DTNB: variants seen among roughly 807,000 people sequenced by gnomAD.
The protein encoded by DTNB is dystrobrevin beta.
Under a neutral mutation model 90.7 loss-of-function variants are expected in DTNB, and 63 were observed. The ratio of observed to expected loss-of-function variants is 0.69; its 90% CI spans 0.57 to 0.86. DTNB has a LOEUF of 0.86. Among genes scored for constraint, DTNB ranks in the 40% least tolerant of loss-of-function variants. The pLI is 0.00. For synonymous variants in DTNB, 277 were observed against 286.7 expected, an observed-to-expected ratio of 0.97 and a Z score of 0.34; for missense variants, 744 against 807.1, an observed-to-expected ratio of 0.92 and a Z score of 0.95.
Position 25,484,983 on chromosome 2 carries a change from A to C in DTNB, c.1002-2110T>G, listed in dbSNP as rs574593376. ...TTTTTGCCTCTAGTTCTCTTATATC[A>C]ATTGTCCAACTGAAACAAGGAGACA... On this transcript the variant is annotated intron_variant, in intron 9 of 20. Coordinates refer to ENST00000406818, the MANE Select transcript of DTNB (RefSeq NM_021907.5). 2.0e-5 allele frequency among the ~76,000 whole-genome samples: 3 copies of C among 152,266 alleles called. No homozygotes were observed. In the South Asian group the frequency reaches 6.2e-4, roughly 32 times the overall value.
intron 4 of DTNB, among the ~76,000 whole-genome samples, chr2:25,625,693 T>C (rs181745666): frequency 2.0e-5 from 3 of 152,166 alleles, no homozygotes; most frequent in East Asian, 1.9e-4. Context: ...GATATCCTTG[T>C]ACCTTCTGCT....
intron 8 of DTNB, among the ~76,000 whole-genome samples, chr2:25,542,257 T>C (rs771256648): frequency 3.3e-5 from 5 of 152,202 alleles, no homozygotes; most frequent in African/African-American, 7.2e-5. Flanking sequence ...AGCTTAGATG[T>C]TGGGTTTAGT....
intron 8 of DTNB, chr2:25,558,115 G>C: frequency 1.2e-6 from 1 of 818,160 alleles, no homozygotes; most frequent in South Asian, 5.6e-5. Context: ...GCGATCCAAA[G>C]GCTTAATGAG....
intron 8 of DTNB, among the ~76,000 whole-genome samples, chr2:25,569,460 C>T (rs1479605240): frequency 6.6e-6 from 1 of 152,220 alleles, no homozygotes; most frequent in Non-Finnish European, 1.5e-5. Context: ...CCCTCACTCA[C>T]TCCTCTCCTA....
intron 14 of DTNB, among the ~76,000 whole-genome samples, chr2:25,431,591 A>G (rs1227510248): frequency 6.6e-6 from 1 of 152,130 alleles, no homozygotes; most frequent in African/African-American, 2.4e-5. Flanking sequence ...ACATTCCTGG[A>G]CTCAGCCCTG....
At chr2:25,397,851 G>A (rs1257228602) in intron 16 of DTNB, among the ~76,000 whole-genome samples, 4 of 136,814 alleles carry the variant, frequency 2.9e-5, no homozygotes, top group African/African-American at 1.1e-4. Flanking sequence ...CTGCCCTCCA[G>A]CCTGGGTGAC....
chr2:25,403,367 C>T (rs7570164), intron 16 of DTNB, among the ~76,000 whole-genome samples: 54,823 of 152,070 alleles, frequency 0.36, 10,926 homozygotes, highest in East Asian at 0.6. Context: ...CCACCTGCCT[C>T]GGCCTCCTAA....
intron 3 of DTNB, among the ~76,000 whole-genome samples, chr2:25,631,846 C>T (rs1356840744): frequency 6.6e-6 from 1 of 152,028 alleles, no homozygotes; most frequent in East Asian, 1.9e-4. Context: ...GTACAGCCTC[C>T]ACTGATGAGA....
intron 9 of DTNB, among the ~76,000 whole-genome samples, chr2:25,485,873 C>T (rs1187993015): frequency 6.6e-6 from 1 of 151,324 alleles, no homozygotes; most frequent in African/African-American, 2.4e-5. Context: ...CCTGTAATCT[C>T]AGCACTTTGG....
intron 8 of DTNB, among the ~76,000 whole-genome samples, chr2:25,561,194 C>G (rs1359074561): frequency 6.6e-6 from 1 of 152,198 alleles, no homozygotes; most frequent in Non-Finnish European, 1.5e-5. Flanking sequence ...CTCTCTTGAA[C>G]CAAGCTCCAT....
intron 8 of DTNB, among the ~76,000 whole-genome samples, chr2:25,554,084 G>A (rs187325354): frequency 5.9e-5 from 9 of 152,150 alleles, no homozygotes; most frequent in African/African-American, 1.4e-4. Context: ...CTTGAAATAC[G>A]AATAACTGCT....
chr2:25,417,728 C>T (rs1479910000), intron 16 of DTNB, among the ~76,000 whole-genome samples: 1 of 152,124 alleles, frequency 6.6e-6, no homozygotes, highest in Non-Finnish European at 1.5e-5. Flanking sequence ...TGGTCAGCAA[C>T]AACAGGTGAA....
chr2:25,471,094 TGC>T (rs1326057381), intron 10 of DTNB, among the ~76,000 whole-genome samples: 1 of 152,218 alleles, frequency 6.6e-6, no homozygotes, highest in African/African-American at 2.4e-5. Context: ...AAATAGTGTG[TGC>T]CTTCGCTGTA....
Position 25,640,128 on chromosome 2 carries a change from T to C in DTNB, c.68-1034A>G, listed in dbSNP as rs561055631. Among the ~76,000 whole-genome samples, 3 of 152,234 alleles carry C rather than the reference T, an allele frequency of 2.0e-5. No homozygotes were observed. The South Asian group carries it at 6.2e-4, about 32-fold the overall frequency. On this transcript the variant is annotated intron_variant, in intron 2 of 20. Coordinates refer to ENST00000406818, the MANE Select transcript of DTNB (RefSeq NM_021907.5). Reference sequence around the variant, plus strand: ...AGGGGTAAGCGATATATGGCCAGAGTAACTAGAACAAAGCCTAAAATTATA... The same window carrying C: ...AGGGGTAAGCGATATATGGCCAGAGCAACTAGAACAAAGCCTAAAATTATA...
Position 25,388,371 on chromosome 2 carries a change from C to A in DTNB, c.1576-10G>T. On this transcript the variant is annotated splice_polypyrimidine_tract_variant and intron_variant, in intron 16 of 20. Transcript: ENST00000406818. ...ACCCTGTGGCCTGAGCCTGGAGATT[C>A]AAAGACAGAAAATACGTTATCTCAA... 1 of 1,591,096 alleles carries A rather than the reference C, an allele frequency of 6.3e-7. No homozygotes were observed. Among genetic ancestry groups the A allele is most frequent in the African/African-American group, 1.3e-5 (1 of 74,292 alleles).
At chr2:25,552,167 C>T (rs1216832400) in intron 8 of DTNB, among the ~76,000 whole-genome samples, 2 of 151,968 alleles carry the variant, frequency 1.3e-5, no homozygotes, top group Non-Finnish European at 2.9e-5. Context: ...AGTTGTGTTC[C>T]TCTCATTTGG....
intron 9 of DTNB, among the ~76,000 whole-genome samples, chr2:25,511,231 G>A (rs184138367): frequency 1.1e-4 from 16 of 152,158 alleles, no homozygotes; most frequent in Admixed American, 2.0e-4. Context: ...GTTCAGCATC[G>A]TACCATTTAT....
chr2:25,596,110 T>C lies in DTNB; in HGVS notation c.579A>G (p.Ser193=), dbSNP rs997438719. The C allele has an allele frequency of 1.9e-6, 3 of 1,612,088 alleles. No homozygotes were observed. Among genetic ancestry groups the C allele is most frequent in the East Asian group, 4.5e-5 (2 of 44,762 alleles). Residue 193 remains serine, a synonymous_variant, in exon 6 of 21, where the codon TCA becomes TCG. Coordinates refer to ENST00000406818, the MANE Select transcript of DTNB (RefSeq NM_021907.5). Reference sequence around the variant, plus strand: ...CCTGCTGTGGAAAACAGGTGCGGACTGAGTGCTCTGTGTAACCAAAAGATG... The same window carrying C: ...CCTGCTGTGGAAAACAGGTGCGGACCGAGTGCTCTGTGTAACCAAAAGATG... The part of the protein sequence containing the change: ...EGPSFGYTEH[S]VRTCFPQQRK...
At chr2:25,537,147 A>C (rs531100377) in intron 8 of DTNB, among the ~76,000 whole-genome samples, 4 of 152,186 alleles carry the variant, frequency 2.6e-5, no homozygotes, top group African/African-American at 7.2e-5. Flanking sequence ...TTATTTACCT[A>C]GATGAATTTT....
Sources: gnomAD v4.1 joint callset for allele counts (sites outside exome capture counted in the v4.1 genomes callset) on GRCh38, gnomAD v4.1.1 for gene constraint, MANE v1.5 for transcripts, NCBI Gene and HGNC (gene_info 2026-07-23, HGNC 2026-07-21) for gene names.